Variants in SUGCT observed in about 807,000 individuals in gnomAD.
SUGCT encodes the protein succinyl-CoA:glutarate CoA-transferase.
Under a neutral mutation model 55.0 loss-of-function variants are expected in SUGCT, and 41 were observed. The observed-to-expected ratio is 0.74, with a 90% confidence interval of 0.58 to 0.97. The LOEUF (loss-of-function observed/expected upper bound fraction) is 0.97. Ranked by LOEUF, SUGCT falls within the 50% of genes least tolerant of loss-of-function variation. SUGCT has a pLI of 0.00. For synonymous variants in SUGCT, 187 were observed against 200.4 expected (o/e 0.93, Z 0.56); for missense variants, 568 against 547.8 (o/e 1.04, Z -0.37).
intron 9 of SUGCT, among the ~76,000 whole-genome samples, chr7:40,364,945 C>T (rs998138345): frequency 2.0e-5 from 3 of 152,048 alleles, no homozygotes; most frequent in East Asian, 3.9e-4. Context: ...CAAAGCCGGG[C>T]AGAGACACAA....
Position 40,703,971 on chromosome 7 carries a change from C to G in SUGCT, c.1090-45463C>G, listed in dbSNP as rs534634887. On this transcript the variant is annotated intron_variant, in intron 12 of 13. Coordinates refer to ENST00000335693, the MANE Select transcript of SUGCT (RefSeq NM_001193313.2). ...TGGTCTAACTATAGGAGCAGCTGAC[C>G]TGACCGGAGGAGACTTGTACGGTGG... Among the ~76,000 whole-genome samples the G allele has an allele frequency of 1.1e-4, 17 of 152,334 alleles. 1 individual carries two copies. In the South Asian group the frequency reaches 3.5e-3, roughly 32 times the overall value.
intron 8 of SUGCT, among the ~76,000 whole-genome samples, chr7:40,312,651 ATAAAT>A (rs1019245427): frequency 2.6e-5 from 4 of 152,322 alleles, no homozygotes; most frequent in Admixed American, 1.3e-4. Context: ...TAGAAATCAG[ATAAAT>A]TAAGTGTTGT....
intron 1 of SUGCT, among the ~76,000 whole-genome samples, chr7:40,137,908 C>T (rs1787782064): frequency 6.6e-6 from 1 of 152,178 alleles, no homozygotes; most frequent in African/African-American, 2.4e-5. Context: ...TCTTGAACTC[C>T]TCAGCTCACA....
chr7:40,789,844 A>C (rs1392763253), intron 13 of SUGCT, among the ~76,000 whole-genome samples: 1 of 152,152 alleles, frequency 6.6e-6, no homozygotes, highest in Non-Finnish European at 1.5e-5. Flanking sequence ...CCTAAAACCC[A>C]GTGTGGTGAG....
intron 13 of SUGCT, among the ~76,000 whole-genome samples, chr7:40,769,259 G>A (rs1440586431): frequency 6.6e-6 from 1 of 152,182 alleles, no homozygotes; most frequent in Non-Finnish European, 1.5e-5. Context: ...GTCAGTGACT[G>A]AGTTAGAAGC....
chr7:40,716,419 C>T (rs1443935571), intron 12 of SUGCT, among the ~76,000 whole-genome samples: 1 of 152,192 alleles, frequency 6.6e-6, no homozygotes, highest in Non-Finnish European at 1.5e-5. Context: ...CAAACAGTTA[C>T]TTCAAAACTT....
intron 11 of SUGCT, among the ~76,000 whole-genome samples, chr7:40,469,815 C>T (rs773137799): frequency 3.3e-5 from 5 of 151,720 alleles, no homozygotes; most frequent in African/African-American, 4.8e-5. Flanking sequence ...TGTTTGTATA[C>T]GGAGGGGATG....
the SUGCT span, among the ~76,000 whole-genome samples, chr7:40,930,394 G>T: frequency 6.6e-6 from 1 of 152,108 alleles, no homozygotes; most frequent in Non-Finnish European, 1.5e-5. Flanking sequence ...GGATTGTCTT[G>T]GCTATGCAGG....
the SUGCT span, among the ~76,000 whole-genome samples, chr7:40,939,342 G>A: frequency 3.9e-5 from 6 of 152,136 alleles, no homozygotes; most frequent in Non-Finnish European, 7.3e-5. Flanking sequence ...CACAACACGT[G>A]GGAATTATGG....
At chr7:40,328,988 G>T (rs1438719339) in intron 9 of SUGCT, among the ~76,000 whole-genome samples, 1 of 152,164 alleles carries the variant, frequency 6.6e-6, no homozygotes, top group Non-Finnish European at 1.5e-5. Flanking sequence ...GTGGCTCTGT[G>T]TGGAGGTCAG....
chr7:40,564,262 G>A (rs1796004835), intron 12 of SUGCT, among the ~76,000 whole-genome samples: 1 of 152,176 alleles, frequency 6.6e-6, no homozygotes, highest in Non-Finnish European at 1.5e-5. Context: ...TGTAGTCCCA[G>A]TTACTCGGGA....
chr7:40,245,429 T>A lies in SUGCT; in HGVS notation c.576+7703T>A, dbSNP rs1401996385. Among the ~76,000 whole-genome samples the A allele has an allele frequency of 6.6e-3, 149 of 22,446 alleles. 1 individual carries two copies. The highest frequency in any genetic ancestry group is 0.019 in the African/African-American group (84 of 4,482). 14.7% of individuals were successfully genotyped at this position (22,446 alleles called of 152,430 possible). A position where few individuals can be genotyped will look rare whatever the true frequency, so the allele number is the denominator to read the frequency against. On this transcript the variant is annotated intron_variant, in intron 7 of 13. Transcript: ENST00000335693. ...CATATATATATATATATATATTTTT[T>A]TTTTTTTTTTTTTTTTTTTTTTTTT...
At chr7:40,805,761 G>A (rs1791058305) in intron 13 of SUGCT, among the ~76,000 whole-genome samples, 1 of 152,212 alleles carries the variant, frequency 6.6e-6, no homozygotes, top group Non-Finnish European at 1.5e-5. Context: ...AAGACATTGA[G>A]ATTGCCTTGA....
intron 1 of SUGCT, among the ~76,000 whole-genome samples, chr7:40,159,807 T>C (rs140275686): frequency 6.0e-4 from 92 of 152,286 alleles, no homozygotes; most frequent in Non-Finnish European, 1.1e-3. Flanking sequence ...TCAACAATGG[T>C]AAACACCTAC....
chr7:40,897,929 G>A, the SUGCT span, among the ~76,000 whole-genome samples: 36 of 151,928 alleles, frequency 2.4e-4, no homozygotes, highest in Non-Finnish European at 3.1e-4. Flanking sequence ...ACCAATCAGC[G>A]GGATGTGGAT....
At chr7:40,797,467 C>T (rs149343077) in intron 13 of SUGCT, among the ~76,000 whole-genome samples, 34 of 152,248 alleles carry the variant, frequency 2.2e-4, no homozygotes, top group African/African-American at 7.5e-4. Flanking sequence ...CATCAGTCCC[C>T]GTAGTTGGAA....
the SUGCT span, among the ~76,000 whole-genome samples, chr7:40,989,516 C>T: frequency 6.6e-6 from 1 of 151,974 alleles, no homozygotes; most frequent in African/African-American, 2.4e-5. Flanking sequence ...CCTGTAATCC[C>T]AGAACTTTGG....
chr7:40,475,544 T>G (rs954919375), intron 11 of SUGCT, among the ~76,000 whole-genome samples: 5 of 152,172 alleles, frequency 3.3e-5, no homozygotes, highest in African/African-American at 1.2e-4. Context: ...AAGGAAACCA[T>G]ATTGGTGACT....
chr7:40,639,784 A>C (rs1310226644), intron 12 of SUGCT, among the ~76,000 whole-genome samples: 1 of 151,718 alleles, frequency 6.6e-6, no homozygotes, highest in African/African-American at 2.4e-5. Flanking sequence ...AAGTGCTGGG[A>C]TTACAGGCGT....
Sources: allele counts gnomAD v4.1 joint callset (sites outside exome capture counted in the v4.1 genomes callset), GRCh38; gene constraint gnomAD v4.1.1; transcripts MANE v1.5; gene names NCBI Gene and HGNC (gene_info 2026-07-23, HGNC 2026-07-21).